The following DPP6 variants were observed in gnomAD, a reference collection of about 807,000 sequenced individuals.
DPP6 encodes the protein dipeptidyl peptidase like 6, also known as A-type potassium channel modulatory protein DPP6.
DPP6 carries 69 observed loss-of-function variants against 122.6 expected under a neutral mutation model. The ratio of observed to expected loss-of-function variants is 0.56; its 90% CI spans 0.46 to 0.69. DPP6 has a LOEUF of 0.69. DPP6 is among the 30% of genes least tolerant of loss of function. The pLI, the probability that DPP6 is intolerant of heterozygous loss-of-function variation, is 0.00. For missense variants in DPP6, 928 were observed against 1,116.9 expected, an observed-to-expected ratio of 0.83 and a Z score of 2.41; for synonymous variants, 418 against 433.1, an observed-to-expected ratio of 0.97 and a Z score of 0.43.
At chr7:154,789,857 G>A (rs1232742850) in intron 10 of DPP6, among the ~76,000 whole-genome samples, 3 of 152,186 alleles carry the variant, frequency 2.0e-5, no homozygotes, top group Non-Finnish European at 2.9e-5. Context: ...CCTGTTGGTG[G>A]TGATGCTTCA....
chr7:154,704,550 T>C (rs554275825), intron 7 of DPP6, among the ~76,000 whole-genome samples: 5 of 152,194 alleles, frequency 3.3e-5, no homozygotes, highest in South Asian at 2.1e-4. Flanking sequence ...ATTATTGTCT[T>C]ATTTTAAGAA....
rs1051207547 is a variant in DPP6 at position 154,769,342 on chromosome 7, C to A, written c.884-75C>A. ...GGACTCGTTTCTTTCCTGGCCACCT[C>A]ATGTTCCTGCTGGTGCAGCTCCAAT... On this transcript the variant is annotated intron_variant, in intron 8 of 25. Transcript: ENST00000377770. 34 of 1,592,996 alleles carry A rather than the reference C, an allele frequency of 2.1e-5. No homozygotes were observed. The South Asian group carries it at 3.8e-4, about 18-fold the overall frequency.
intron 1 of DPP6, among the ~76,000 whole-genome samples, chr7:154,387,406 G>A (rs1814213597): frequency 6.6e-6 from 1 of 152,186 alleles, no homozygotes; most frequent in Non-Finnish European, 1.5e-5. Flanking sequence ...GAGACTATAG[G>A]TGGGTTTTCT....
intron 1 of DPP6, among the ~76,000 whole-genome samples, chr7:154,364,327 C>G (rs1811976577): frequency 6.6e-6 from 1 of 152,206 alleles, no homozygotes; most frequent in African/African-American, 2.4e-5. Context: ...GGTGCACCCA[C>G]CACAGGCAGA....
intron 1 of DPP6, among the ~76,000 whole-genome samples, chr7:154,356,962 A>G (rs1271180276): frequency 6.6e-6 from 1 of 152,194 alleles, no homozygotes; most frequent in African/African-American, 2.4e-5. Flanking sequence ...CCATCTAGAC[A>G]ATATTACATT....
At chr7:154,135,563 C>G (rs1401772192) in intron 1 of DPP6, among the ~76,000 whole-genome samples, 3 of 151,910 alleles carry the variant, frequency 2.0e-5, no homozygotes, top group African/African-American at 4.8e-5. Context: ...TGCACTTCCT[C>G]TAAACACATA....
At position 154,282,312 on chromosome 7, in the gene DPP6, TC is replaced by T. The variant is rs1804570533; in HGVS notation, c.244-163901del. On this transcript the variant is annotated intron_variant, in intron 1 of 25. Transcript: ENST00000377770. The surrounding 1 kb of genome is among the most constrained non-coding windows in gnomAD (Gnocchi z 4.8). Reference sequence around the variant, plus strand: ...AATAGCCTGCATGCAGGGACATGCTTCTCAGGTGGCCTCTGGATACACGTGT... The same window carrying T: ...AATAGCCTGCATGCAGGGACATGCTTTCAGGTGGCCTCTGGATACACGTGT... Among the ~76,000 whole-genome samples, 1 of 152,178 alleles carries T rather than the reference TC, an allele frequency of 6.6e-6. No homozygotes were observed. The highest frequency in any genetic ancestry group is 2.4e-5 in the African/African-American group (1 of 41,456).
the DPP6 span, among the ~76,000 whole-genome samples, chr7:153,871,476 T>C: frequency 2.0e-5 from 3 of 152,192 alleles, no homozygotes; most frequent in Non-Finnish European, 4.4e-5. Flanking sequence ...TCTCCTGGTG[T>C]ATGGTTTGTT....
upstream of DPP6, among the ~76,000 whole-genome samples, chr7:154,049,372 A>T (rs1340598298): frequency 2.2e-5 from 3 of 134,788 alleles, no homozygotes; most frequent in Admixed American, 7.4e-5. Flanking sequence ...AATTGAATTA[A>T]TTATACATCA....
chr7:154,621,417 A>G (rs984647006), intron 5 of DPP6, among the ~76,000 whole-genome samples: 11 of 152,186 alleles, frequency 7.2e-5, no homozygotes, highest in Non-Finnish European at 1.5e-4. Context: ...CGCCCAGGCT[A>G]GAGGGCAGTG....
the DPP6 span, among the ~76,000 whole-genome samples, chr7:153,748,161 C>A: frequency 9.2e-5 from 14 of 152,354 alleles, no homozygotes; most frequent in Middle Eastern, 3.4e-3. Context: ...AGCTGTAGCT[C>A]GTGCAGCCTG....
chr7:154,183,612 A>T (rs1031643602), intron 1 of DPP6, among the ~76,000 whole-genome samples: 2 of 152,052 alleles, frequency 1.3e-5, no homozygotes, highest in African/African-American at 2.4e-5. Context: ...TCCTTCCTCC[A>T]TGACTGAAGG....
the DPP6 span, among the ~76,000 whole-genome samples, chr7:153,834,243 CACCACTGA>C: frequency 6.6e-6 from 1 of 150,888 alleles, no homozygotes; most frequent in African/African-American, 2.4e-5. Flanking sequence ...GCTGAGATTG[CACCACTGA>C]ACTCCAGCCT....
chr7:154,369,067 T>C (rs968850819), intron 1 of DPP6, among the ~76,000 whole-genome samples: 2 of 152,132 alleles, frequency 1.3e-5, no homozygotes, highest in African/African-American at 4.8e-5. Context: ...AAGCTAATCA[T>C]GATGGGTGTT....
chr7:154,008,768 T>A (rs1381885055), intron 1 of DPP6, among the ~76,000 whole-genome samples: 1 of 150,332 alleles, frequency 6.7e-6, no homozygotes, highest in Non-Finnish European at 1.5e-5. Flanking sequence ...TTCACGCCAT[T>A]CTCCTGCCTC....
At chr7:154,229,086 C>G (rs866768865) in intron 1 of DPP6, among the ~76,000 whole-genome samples, 2 of 152,024 alleles carry the variant, frequency 1.3e-5, no homozygotes, top group African/African-American at 4.8e-5. Flanking sequence ...CGTTTTTTTT[C>G]TGCTAAAGCT....
chr7:153,772,801 T>C, the DPP6 span, among the ~76,000 whole-genome samples: 1 of 148,708 alleles, frequency 6.7e-6, no homozygotes, highest in African/African-American at 2.4e-5. Context: ...GGAGTAGTTA[T>C]ATTAATATCA....
At chr7:154,394,169 T>A (rs558382001) in intron 1 of DPP6, among the ~76,000 whole-genome samples, 1 of 152,312 alleles carries the variant, frequency 6.6e-6, no homozygotes, top group East Asian at 1.9e-4. Flanking sequence ...CATCATACTG[T>A]TTGCCACAGC....
chr7:154,220,621 T>C (rs916865762), intron 1 of DPP6, among the ~76,000 whole-genome samples: 1 of 152,152 alleles, frequency 6.6e-6, no homozygotes, highest in Non-Finnish European at 1.5e-5. Context: ...AAAGCAGCCC[T>C]CACCAGATGC....
Sources: allele counts gnomAD v4.1 joint callset (sites outside exome capture counted in the v4.1 genomes callset), GRCh38; gene constraint gnomAD v4.1.1; non-coding constraint Gnocchi (gnomAD v3.1); transcripts MANE v1.5; gene names NCBI Gene and HGNC (gene_info 2026-07-23, HGNC 2026-07-21).